The following CLEC19A variants were observed in gnomAD, a reference collection of about 807,000 sequenced individuals.
The protein encoded by CLEC19A is C-type lectin domain family 19 member A.
In CLEC19A, 21 loss-of-function variants were observed where a neutral mutation model predicts 26.1. The observed-to-expected ratio is 0.80, with a 90% CI of 0.57 to 1.16. The LOEUF (loss-of-function observed/expected upper bound fraction) is 1.16, where lower values mean the gene tolerates loss of function less well. Ranked by LOEUF, CLEC19A falls within the 50% of genes most tolerant of loss-of-function variation. CLEC19A has a pLI of 0.00. For missense variants in CLEC19A, 224 were observed against 227.6 expected, an observed-to-expected ratio of 0.98 and a Z score of 0.10; for synonymous variants, 89 against 88.6, an observed-to-expected ratio of 1.00 and a Z score of -0.03.
At chr16:19,297,369 A>G (rs971278376) in intron 1 of CLEC19A, among the ~76,000 whole-genome samples, 11 of 152,210 alleles carry the variant, frequency 7.2e-5, no homozygotes, top group African/African-American at 2.7e-4. Flanking sequence ...AAGTGATAAC[A>G]CTGAGCTCTG....
intron 2 of CLEC19A, among the ~76,000 whole-genome samples, chr16:19,302,838 C>G (rs73534541): frequency 6.6e-6 from 1 of 152,132 alleles, no homozygotes; most frequent in South Asian, 2.1e-4. Flanking sequence ...CCAAGTTTTG[C>G]GTCCAGACAT....
intron 2 of CLEC19A, among the ~76,000 whole-genome samples, chr16:19,301,736 GTTTTTTT>G (rs1171248968): frequency 1.5e-4 from 12 of 81,490 alleles, no homozygotes; most frequent in Admixed American, 6.1e-4. Context: ...GGTTTTTTTG[GTTTTTTT>G]TTTTTTTTTT....
intron 2 of CLEC19A, among the ~76,000 whole-genome samples, chr16:19,302,133 C>T (rs1597086974): frequency 6.6e-6 from 1 of 152,194 alleles, no homozygotes; most frequent in South Asian, 2.1e-4. Flanking sequence ...TCTTTCCTTT[C>T]CTCCAAGAGT....
intron 2 of CLEC19A, among the ~76,000 whole-genome samples, chr16:19,302,073 G>C (rs1379397802): frequency 6.6e-6 from 1 of 152,012 alleles, no homozygotes; most frequent in Non-Finnish European, 1.5e-5. Flanking sequence ...TCATCTTTCT[G>C]AGAGTGAGCA....
At position 19,309,922 on chromosome 16, in the gene CLEC19A, GC is replaced by G. The variant is rs1230178872; in HGVS notation, c.*840del. On this transcript the variant is annotated 3_prime_UTR_variant, in exon 5 of 5. Coordinates refer to ENST00000636231, the MANE Select transcript of CLEC19A (RefSeq NM_001256720.2). Reference sequence around the variant, plus strand: ...GCCTCCCAAAGTACTGGGATTACAGGCATGAGCCACTGCGCCTAGCCAAGAA... The same window carrying G: ...GCCTCCCAAAGTACTGGGATTACAGGATGAGCCACTGCGCCTAGCCAAGAA... The G allele has an allele frequency of 6.6e-6, 1 of 152,058 alleles. No individual in the cohort carries two copies. The highest frequency in any genetic ancestry group is 1.5e-5 in the Non-Finnish European group (1 of 68,030). 9.4% of individuals were successfully genotyped at this position (152,058 alleles called of 1,614,324 possible).
At position 19,304,116 on chromosome 16, in the gene CLEC19A, C is replaced by T; in HGVS notation, c.309C>T (p.Ile103=). ...TCGTGAACAGCTGTGTTCCCGGCATCCCAGCTGACGTCTGGACAGGCCTTC... is the reference window on the plus strand; with the variant it reads ...TCGTGAACAGCTGTGTTCCCGGCATTCCAGCTGACGTCTGGACAGGCCTTC... The part of the protein sequence containing the change: ...YDLVNSCVPG[I]PADVWTGLHD... The change falls in exon 3 of 5, where the codon ATC becomes ATT. Residue 103 remains isoleucine, a synonymous_variant. Transcript: ENST00000636231. 4 of 1,550,604 alleles carry T rather than the reference C, an allele frequency of 2.6e-6. No homozygotes were observed. Among genetic ancestry groups the T allele is most frequent in the African/African-American group, 1.4e-5 (1 of 73,158 alleles).
chr16:19,299,905 G>A (rs74011578), intron 2 of CLEC19A, among the ~76,000 whole-genome samples: 136 of 152,270 alleles, frequency 8.9e-4, no homozygotes, highest in African/African-American at 3.0e-3. Flanking sequence ...TTTTTTATGT[G>A]TAGAGCCGCT....
intron 1 of CLEC19A, among the ~76,000 whole-genome samples, chr16:19,291,618 A>G (rs1047265426): frequency 2.6e-5 from 4 of 152,234 alleles, no homozygotes; most frequent in African/African-American, 9.6e-5. Flanking sequence ...CTGACTGTCA[A>G]GCTATAAAGC....
chr16:19,304,332 T>A (rs747724988), intron 3 of CLEC19A, 177 bp downstream of exon 3: 51 of 583,500 alleles, frequency 8.7e-5, no homozygotes, highest in Non-Finnish European at 1.5e-4. Flanking sequence ...CATTTAATGA[T>A]GTCCTACTAA....
rs66894914 is a variant in CLEC19A at position 19,300,547 on chromosome 16, CAAA to C, written c.254+1723_254+1725del. ...TAGGTGACAGAGCGAGATCCTATCTCAAAAAAAAAAAAAAAATAGAGAAGGAGT... is the reference window on the plus strand; with the variant it reads ...TAGGTGACAGAGCGAGATCCTATCTCAAAAAAAAAAAAATAGAGAAGGAGT... On this transcript the variant is annotated intron_variant, in intron 2 of 4. Coordinates refer to ENST00000636231, the MANE Select transcript of CLEC19A (RefSeq NM_001256720.2). Among the ~76,000 whole-genome samples the C allele has an allele frequency of 2.7e-3, 367 of 134,678 alleles. 3 individuals are homozygous for C. The highest frequency in any genetic ancestry group is 9.1e-3 in the African/African-American group (341 of 37,458). The allele number at this position is 134,678 out of a possible 152,430, so 88.4% of individuals were successfully genotyped here.
intron 2 of CLEC19A, among the ~76,000 whole-genome samples, chr16:19,299,959 C>T (rs1289846016): frequency 1.3e-5 from 2 of 152,186 alleles, no homozygotes; most frequent in Non-Finnish European, 2.9e-5. Context: ...TGTGTTGGCT[C>T]ACGCCTGTAA....
intron 4 of CLEC19A, among the ~76,000 whole-genome samples, chr16:19,308,405 C>G (rs1463100318): frequency 6.6e-6 from 1 of 152,212 alleles, no homozygotes; most frequent in Non-Finnish European, 1.5e-5. Context: ...TGATACTTAA[C>G]TCACAGGTTA....
At chr16:19,300,098 C>T (rs1897786647) in intron 2 of CLEC19A, among the ~76,000 whole-genome samples, 2 of 152,042 alleles carry the variant, frequency 1.3e-5, no homozygotes, top group South Asian at 4.1e-4. Flanking sequence ...GTGGAGGGCA[C>T]CTGTAATCCC....
chr16:19,296,652 C>T (rs1031790675), intron 1 of CLEC19A, among the ~76,000 whole-genome samples: 2 of 152,222 alleles, frequency 1.3e-5, no homozygotes, highest in East Asian at 1.9e-4. Context: ...CACTTACCTA[C>T]AGGATGATCT....
intron 2 of CLEC19A, among the ~76,000 whole-genome samples, chr16:19,300,787 C>T (rs1897803057): frequency 6.6e-6 from 1 of 152,102 alleles, no homozygotes; most frequent in African/African-American, 2.4e-5. Context: ...GTGAGGCAAA[C>T]TAGAGATACA....
intron 1 of CLEC19A, among the ~76,000 whole-genome samples, chr16:19,295,432 G>T (rs1359289112): frequency 6.6e-6 from 1 of 151,982 alleles, no homozygotes; most frequent in Non-Finnish European, 1.5e-5. Flanking sequence ...TGAACTCCTG[G>T]ACTCAAGCAG....
intron 2 of CLEC19A, among the ~76,000 whole-genome samples, chr16:19,300,379 T>G: frequency 6.6e-6 from 1 of 151,316 alleles, no homozygotes; most frequent in Non-Finnish European, 1.5e-5. Context: ...CAAGACCCCA[T>G]TGCTACAAAA....
intron 1 of CLEC19A, among the ~76,000 whole-genome samples, chr16:19,287,911 C>T (rs1467698423): frequency 6.6e-6 from 1 of 152,212 alleles, no homozygotes; most frequent in Non-Finnish European, 1.5e-5. Flanking sequence ...GGCCAGGAGA[C>T]AGTTTTCTAT....
chr16:19,307,783 G>C, intron 4 of CLEC19A, 106 bp downstream of exon 4: 1 of 1,446,390 alleles, frequency 6.9e-7, no homozygotes, highest in Non-Finnish European at 9.3e-7. Flanking sequence ...GATGGCCTGA[G>C]ACTGGCAAAT....
Sources: allele counts gnomAD v4.1 joint callset (sites outside exome capture counted in the v4.1 genomes callset), GRCh38; gene constraint gnomAD v4.1.1; transcripts MANE v1.5; gene names NCBI Gene and HGNC (gene_info 2026-07-23, HGNC 2026-07-21).